The following CNNM1 variants were observed in gnomAD, a reference collection of about 807,000 sequenced individuals.
CNNM1 encodes the protein cyclin and CBS domain divalent metal cation transport mediator 1.
CNNM1 carries 44 observed loss-of-function variants against 78.8 expected under a neutral mutation model. The ratio of observed to expected loss-of-function variants is 0.56; its 90% CI spans 0.44 to 0.72. CNNM1 has a LOEUF of 0.72. CNNM1 is among the 30% of genes least tolerant of loss of function. The pLI is 0.00. For synonymous variants in CNNM1, 584 were observed against 581.5 expected, an observed-to-expected ratio of 1.00 and a Z score of -0.06; for missense variants, 1,101 against 1,292.2, an observed-to-expected ratio of 0.85 and a Z score of 2.27.
chr10:99,329,735 C>T lies in CNNM1; in HGVS notation c.348C>T (p.Gly116=), dbSNP rs113211683. The T allele has an allele frequency of 3.9e-4, 582 of 1,509,432 alleles. 1 individual carries two copies. In the African/African-American group the frequency reaches 7.0e-3, roughly 18 times the overall value. The allele number at this position is 1,509,432 out of a possible 1,614,324, so 93.5% of individuals were successfully genotyped here. A position where few individuals can be genotyped will look rare whatever the true frequency, so the allele number is the denominator to read the frequency against. ...LVFIEEPPGG[G]GVAPSAVPTR... ...TCATCGAGGAGCCCCCGGGCGGTGGCGGCGTGGCCCCCAGCGCGGTCCCCA... is the reference window on the plus strand; with the variant it reads ...TCATCGAGGAGCCCCCGGGCGGTGGTGGCGTGGCCCCCAGCGCGGTCCCCA... The change falls in exon 1 of 11, where the codon GGC becomes GGT. Residue 116 remains glycine (G), a synonymous_variant. Coordinates refer to ENST00000356713, the MANE Select transcript of CNNM1 (RefSeq NM_020348.3).
At chr10:99,349,220 T>C (rs2030833210) in intron 1 of CNNM1, among the ~76,000 whole-genome samples, 1 of 152,228 alleles carries the variant, frequency 6.6e-6, no homozygotes, top group South Asian at 2.1e-4. Flanking sequence ...AGTTCTTAAC[T>C]GCAAGTGCCC....
chr10:99,381,839 A>T (rs1421857187), intron 7 of CNNM1, among the ~76,000 whole-genome samples: 2 of 150,904 alleles, frequency 1.3e-5, no homozygotes, highest in Non-Finnish European at 3.0e-5. Flanking sequence ...TTTTTAACAC[A>T]AGTGTCTTTT....
At position 99,362,389 on chromosome 10, in the gene CNNM1, TTCTAC is replaced by T; in HGVS notation, c.2022_2026del (p.Leu675GlyfsTer2). On this transcript the variant is annotated frameshift_variant and splice_region_variant, in exon 4 of 11. Transcript: ENST00000356713. LOFTEE classifies it high-confidence loss of function. The stretch of plus-strand genomic sequence containing the variant: ...CGCCCTGTGGACTACTTTGTGCTGC[TTCTAC>T]AGGTGAGTAGGAAAGTCAGGGAACC... 1.2e-6 allele frequency: 2 copies of T among 1,610,880 alleles called. No homozygotes were observed. Among genetic ancestry groups the T allele is most frequent in the Non-Finnish European group, 1.7e-6 (2 of 1,178,538 alleles).
chr10:99,335,465 G>A (rs1183690742), intron 1 of CNNM1, among the ~76,000 whole-genome samples: 1 of 152,200 alleles, frequency 6.6e-6, no homozygotes, highest in African/African-American at 2.4e-5. Context: ...GCTAGGGGAT[G>A]TATAACCATT....
chr10:99,362,428 C>A (rs372135038), intron 4 of CNNM1, 32 bp downstream of exon 4: 1 of 1,593,156 alleles, frequency 6.3e-7, no homozygotes, highest in Non-Finnish European at 8.6e-7. Flanking sequence ...CCTCTGAGAG[C>A]CAGAGGAGGG....
intron 6 of CNNM1, among the ~76,000 whole-genome samples, chr10:99,372,975 T>C (rs1375921726): frequency 6.6e-6 from 1 of 152,164 alleles, no homozygotes; most frequent in Non-Finnish European, 1.5e-5. Context: ...AAAAAAGACA[T>C]GTTTTTCCTC....
intron 6 of CNNM1, chr10:99,368,755 T>C: frequency 9.4e-7 from 1 of 1,068,846 alleles, no homozygotes; most frequent in Non-Finnish European, 1.3e-6. Context: ...TCTGTCACTT[T>C]CCTGCATGAG....
At chr10:99,352,578 C>A (rs1386762829) in intron 1 of CNNM1, among the ~76,000 whole-genome samples, 1 of 152,148 alleles carries the variant, frequency 6.6e-6, no homozygotes, top group Non-Finnish European at 1.5e-5. Context: ...TATAAAGTAT[C>A]TCATTAGCAT....
chr10:99,377,743 TG>T (rs1224157580), intron 7 of CNNM1, among the ~76,000 whole-genome samples: 2 of 152,216 alleles, frequency 1.3e-5, no homozygotes, highest in Non-Finnish European at 2.9e-5. Flanking sequence ...TTGACCTGTG[TG>T]TTAACTGAAA....
intron 6 of CNNM1, 143 bp downstream of exon 6, chr10:99,365,145 C>G (rs1317884517): frequency 1.2e-6 from 1 of 806,476 alleles, no homozygotes; most frequent in East Asian, 2.6e-5. Flanking sequence ...CTGCCAGGAA[C>G]ACTGCTTCCT....
At chr10:99,346,857 G>C (rs1399278654) in intron 1 of CNNM1, among the ~76,000 whole-genome samples, 1 of 151,896 alleles carries the variant, frequency 6.6e-6, no homozygotes, top group East Asian at 1.9e-4. Context: ...CAATCCTCCT[G>C]CCTCAGCCTC....
At position 99,389,144 on chromosome 10, in the gene CNNM1, G is replaced by A. The variant is rs550801166; in HGVS notation, c.2674+843G>A. On this transcript the variant is annotated intron_variant, in intron 9 of 10. Transcript: ENST00000356713. ...AAGATTTTTAAAGTTGGCCGGGCAC[G>A]GTGGCTCATGCCTGTAATCCCAGCA... 1.3e-3 allele frequency among the ~76,000 whole-genome samples: 203 copies of A among 152,226 alleles called. 5 individuals carry two copies. Among genetic ancestry groups the A allele is most frequent in the Admixed American group, 1.6e-3 (24 of 15,292 alleles).
At chr10:99,337,335 G>C (rs751931550) in intron 1 of CNNM1, among the ~76,000 whole-genome samples, 1 of 152,222 alleles carries the variant, frequency 6.6e-6, no homozygotes, top group Non-Finnish European at 1.5e-5. Flanking sequence ...TGGTAAGGCA[G>C]CCAGCAATGC....
chr10:99,343,818 G>A (rs928915752), intron 1 of CNNM1, among the ~76,000 whole-genome samples: 2 of 151,754 alleles, frequency 1.3e-5, no homozygotes, highest in African/African-American at 4.8e-5. Flanking sequence ...GGGTTCAAGC[G>A]ATTCTCCTGC....
At chr10:99,355,048 G>T (rs2031085105) in intron 1 of CNNM1, among the ~76,000 whole-genome samples, 1 of 152,102 alleles carries the variant, frequency 6.6e-6, no homozygotes, top group Non-Finnish European at 1.5e-5. Flanking sequence ...ACTCCAAGGG[G>T]TAGCTATCTT....
Position 99,362,223 on chromosome 10 carries a change from C to A in CNNM1, c.1859-4C>A. 2 of 1,607,070 alleles carry A rather than the reference C, an allele frequency of 1.2e-6. No individual in the cohort carries two copies. The highest frequency in any genetic ancestry group is 2.2e-5 in the South Asian group (2 of 89,630). On this transcript the variant is annotated splice_polypyrimidine_tract_variant and splice_region_variant and intron_variant, in intron 3 of 10. Coordinates refer to ENST00000356713, the MANE Select transcript of CNNM1 (RefSeq NM_020348.3). ...TTCCTCCCTTCCCACTCACTCTCCT[C>A]TAGAAGTGGAGCCCTTTAAGTCTCT...
At chr10:99,377,344 T>A (rs1444310495) in intron 7 of CNNM1, 126 bp downstream of exon 7, 1 of 896,526 alleles carries the variant, frequency 1.1e-6, no homozygotes, top group Non-Finnish European at 1.7e-6. Context: ...TCCAATACAG[T>A]GCTGGGTGGT....
rs578109136 is a variant in CNNM1 at position 99,365,144 on chromosome 10, A to T, written c.2176+142A>T. On this transcript the variant is annotated intron_variant, in intron 6 of 10. Coordinates refer to ENST00000356713, the MANE Select transcript of CNNM1 (RefSeq NM_020348.3). ...GCCCCTTTGTAATGTTCTGCCAGGA[A>T]CACTGCTTCCTGCCAGGTACCCACA... is the stretch of plus-strand genomic sequence containing the variant. The T allele has an allele frequency of 3.7e-6, 3 of 814,222 alleles. No individual in the cohort carries two copies. In the East Asian group the frequency reaches 7.9e-5, roughly 22 times the overall value. The allele number at this position is 814,222 out of a possible 1,614,324, so 50.4% of individuals were successfully genotyped here. A position where few individuals can be genotyped will look rare whatever the true frequency, so the allele number is the denominator to read the frequency against.
intron 1 of CNNM1, among the ~76,000 whole-genome samples, chr10:99,354,372 T>G (rs889142906): frequency 3.4e-4 from 52 of 152,242 alleles, no homozygotes; most frequent in African/African-American, 1.3e-3. Flanking sequence ...TACTGTTATA[T>G]TTTATCAAAA....
Sources: gnomAD v4.1 joint callset for allele counts (sites outside exome capture counted in the v4.1 genomes callset) on GRCh38, gnomAD v4.1.1 for gene constraint, MANE v1.5 for transcripts, NCBI Gene and HGNC (gene_info 2026-07-23, HGNC 2026-07-21) for gene names.